The following CCDC30 variants were observed in gnomAD, a reference collection of about 807,000 sequenced individuals.
CCDC30 encodes the protein coiled-coil domain-containing protein 30.
CCDC30 carries 70 observed loss-of-function variants against 100.2 expected under a neutral mutation model. The ratio of observed to expected loss-of-function variants is 0.70; its 90% confidence interval spans 0.58 to 0.85. The LOEUF (loss-of-function observed/expected upper bound fraction) is 0.85. Ranked by LOEUF, CCDC30 falls within the 40% of genes least tolerant of loss-of-function variation. The pLI, the probability that CCDC30 is intolerant of heterozygous loss-of-function variation, is 0.00. For missense variants in CCDC30, 652 were observed against 771.2 expected (o/e 0.85, Z 1.83); for synonymous variants, 233 against 269.5 (o/e 0.86, Z 1.33).
intron 1 of CCDC30, chr1:42,473,147 T>C: frequency 8.1e-7 from 1 of 1,229,630 alleles, no homozygotes; most frequent in South Asian, 4.1e-5. Context: ...GAAGACATAC[T>C]TCACCATCTT....
rs562241052 is a variant in CCDC30 at position 42,526,115 on chromosome 1, T to C, written c.456+27199T>C. 1.6e-4 allele frequency among the ~76,000 whole-genome samples: 25 copies of C among 152,348 alleles called. 1 individual carries two copies. In the South Asian group the frequency reaches 4.8e-3, roughly 29 times the overall value. ...TCTCCTCAATTCCACAAGATTGCTATGCTCTATACAGGATTTCCCTCATAT... is the reference window on the plus strand; with the variant it reads ...TCTCCTCAATTCCACAAGATTGCTACGCTCTATACAGGATTTCCCTCATAT... On this transcript the variant is annotated intron_variant, in intron 6 of 16. Transcript: ENST00000668663.
intron 6 of CCDC30, among the ~76,000 whole-genome samples, chr1:42,520,350 G>C (rs79240042): frequency 8.4e-6 from 1 of 119,478 alleles, no homozygotes; most frequent in East Asian, 2.6e-4. Context: ...TTTTTTTTTT[G>C]AGACAGAGTC....
At chr1:42,638,031 A>G (rs1464560189) in intron 12 of CCDC30, among the ~76,000 whole-genome samples, 2 of 152,192 alleles carry the variant, frequency 1.3e-5, no homozygotes, top group Non-Finnish European at 2.9e-5. Flanking sequence ...TCCACACTCA[A>G]CAAATTTTTA....
intron 14 of CCDC30, 79 bp from the exon 19 acceptor site, chr1:42,646,056 C>T (rs201370654): frequency 2.3e-5 from 34 of 1,475,104 alleles, no homozygotes; most frequent in Middle Eastern, 2.1e-4. Flanking sequence ...CTCAATATTC[C>T]GTATGTGTCA....
At chr1:42,597,718 A>G (rs548455558) in intron 10 of CCDC30, among the ~76,000 whole-genome samples, 17 of 152,142 alleles carry the variant, frequency 1.1e-4, no homozygotes, top group Non-Finnish European at 1.9e-4. Context: ...ATAATATACA[A>G]CTAACCCAAG....
At chr1:42,525,811 T>TG (rs1195366877) in intron 6 of CCDC30, among the ~76,000 whole-genome samples, 2 of 152,202 alleles carry the variant, frequency 1.3e-5, no homozygotes, top group African/African-American at 4.8e-5. Context: ...CCTACCCTTA[T>TG]GGTGTGACCC....
chr1:42,533,238 C>T (rs2148516325), intron 6 of CCDC30, among the ~76,000 whole-genome samples: 1 of 152,072 alleles, frequency 6.6e-6, no homozygotes, highest in African/African-American at 2.4e-5. Context: ...GTTAGAGAGT[C>T]AGTTTTTTAA....
intron 6 of CCDC30, 25 bp from the exon 9 acceptor site, chr1:42,545,384 TA>T: frequency 6.5e-7 from 1 of 1,536,470 alleles, no homozygotes; most frequent in Non-Finnish European, 8.7e-7. Context: ...CAAAATAGAA[TA>T]TTTGTCTTTC....
chr1:42,613,311 G>C (rs1646660363), intron 11 of CCDC30, among the ~76,000 whole-genome samples: 2 of 152,142 alleles, frequency 1.3e-5, no homozygotes, highest in Admixed American at 6.6e-5. Context: ...CTGGAGTGCA[G>C]TGGCACGATC....
the CCDC30 span, chr1:42,457,475 A>G: frequency 1.3e-6 from 1 of 790,466 alleles, no homozygotes; most frequent in Admixed American, 2.1e-5. Flanking sequence ...AGAGATGAAT[A>G]AGACACCGCC....
intron 15 of CCDC30, among the ~76,000 whole-genome samples, chr1:42,652,849 T>C (rs1199184834): frequency 6.6e-6 from 1 of 152,012 alleles, no homozygotes; most frequent in Non-Finnish European, 1.5e-5. Flanking sequence ...AGACAGAAAG[T>C]ATATTAGTGA....
chr1:42,624,007 C>T (rs1481007477), intron 11 of CCDC30, among the ~76,000 whole-genome samples: 4 of 152,046 alleles, frequency 2.6e-5, no homozygotes, highest in Non-Finnish European at 5.9e-5. Flanking sequence ...TAAATGGAAT[C>T]GCTTTTTAAT....
At chr1:42,510,524 G>T (rs1197057682) in intron 6 of CCDC30, among the ~76,000 whole-genome samples, 1 of 152,090 alleles carries the variant, frequency 6.6e-6, no homozygotes, top group Non-Finnish European at 1.5e-5. Flanking sequence ...GGATGTGGTG[G>T]CACACGCCTG....
rs149448109 is a variant in CCDC30 at position 42,519,615 on chromosome 1, C to T, written c.456+20699C>T. 6.2e-3 allele frequency among the ~76,000 whole-genome samples: 939 copies of T among 152,078 alleles called. 6 individuals carry two copies. The highest frequency in any genetic ancestry group is 0.021 in the African/African-American group (868 of 41,476). On this transcript the variant is annotated intron_variant, in intron 6 of 16. Transcript: ENST00000668663. ...TGTCCAGGCTGGAGTGCAATGATGC[C>T]GTCTCGGCTCACTGCATCCTCCACC...
intron 10 of CCDC30, among the ~76,000 whole-genome samples, chr1:42,603,575 A>G (rs115537364): frequency 0.023 from 3,451 of 152,330 alleles, 71 homozygotes; most frequent in Admixed American, 0.032. Flanking sequence ...ACAATGAGAT[A>G]CTACTACATA....
At chr1:42,644,106 G>A (rs1415751561) in intron 13 of CCDC30, among the ~76,000 whole-genome samples, 3 of 152,066 alleles carry the variant, frequency 2.0e-5, no homozygotes, top group African/African-American at 7.2e-5. Flanking sequence ...GAACAGAATA[G>A]GAGACATAAA....
intron 10 of CCDC30, chr1:42,590,486 A>G (rs1291909432): frequency 6.6e-6 from 1 of 152,446 alleles, no homozygotes; most frequent in Non-Finnish European, 1.5e-5. Context: ...TCACAACTGT[A>G]ATCCCAGCGC....
At chr1:42,539,192 C>A in intron 6 of CCDC30, 1 of 1,590,490 alleles carries the variant, frequency 6.3e-7, no homozygotes, top group South Asian at 1.2e-5. Context: ...AAATCAAAGT[C>A]AGAGCTTATA....
At chr1:42,603,597 G>T (rs1452983404) in intron 10 of CCDC30, among the ~76,000 whole-genome samples, 2 of 152,190 alleles carry the variant, frequency 1.3e-5, no homozygotes, top group Non-Finnish European at 2.9e-5. Context: ...CTATTAGAAT[G>T]AACCAAAATC....
Sources: allele counts gnomAD v4.1 joint callset (sites outside exome capture counted in the v4.1 genomes callset), GRCh38; gene constraint gnomAD v4.1.1; transcripts MANE v1.5; gene names NCBI Gene and HGNC (gene_info 2026-07-23, HGNC 2026-07-21).